Variants in ZFHX3 observed in about 807,000 individuals in gnomAD.
The protein encoded by ZFHX3 is zinc finger homeobox 3.
Under a neutral mutation model 279.1 loss-of-function variants are expected in ZFHX3, and 42 were observed. That is an observed-to-expected ratio of 0.15 (90% CI 0.12 to 0.19). The LOEUF is 0.19. Among genes scored for constraint, ZFHX3 ranks in the 10% least tolerant of loss-of-function variants. The probability of loss-of-function intolerance (pLI) is 1.00; values close to 1 mark genes in which losing one functional copy is unlikely to be tolerated. For synonymous variants in ZFHX3, 2,293 were observed against 1,957.8 expected, an observed-to-expected ratio of 1.17 and a Z score of -4.52; for missense variants, 4,981 against 4,754.0, an observed-to-expected ratio of 1.05 and a Z score of -1.40.
intron 4 of ZFHX3, among the ~76,000 whole-genome samples, chr16:72,878,297 G>A (rs2038370549): frequency 6.6e-6 from 1 of 152,228 alleles, no homozygotes; most frequent in African/African-American, 2.4e-5. Context: ...CTGGGTTCAA[G>A]GCTGCATAGC....
rs554895783 is a variant in ZFHX3, at chr16:73,510,874, T to C, written c.-1546-54616A>G. Among the ~76,000 whole-genome samples the C allele has an allele frequency of 3.0e-4, 45 of 152,366 alleles. No individual in the cohort carries two copies. The South Asian group carries it at 4.6e-3, about 15-fold the overall frequency. ...AAAGAAAGACCTCAGTGGACTCATA[T>C]AGGGCAACTCACACGTGCTGTGGCA... On this transcript the variant is annotated intron_variant, in intron 2 of 17. Coordinates refer to the ZFHX3 transcript ENST00000641206.
At chr16:73,058,056 C>T (rs1314112776) in intron 1 of ZFHX3, among the ~76,000 whole-genome samples, 1 of 145,608 alleles carries the variant, frequency 6.9e-6, no homozygotes, top group Non-Finnish European at 1.5e-5. Flanking sequence ...CCGGCCGCCG[C>T]CTTTGTCTCC....
At chr16:73,803,299 A>G (rs1342481956) in intron 1 of ZFHX3, among the ~76,000 whole-genome samples, 1 of 152,208 alleles carries the variant, frequency 6.6e-6, no homozygotes, top group Non-Finnish European at 1.5e-5. Context: ...GTGTTGAGGT[A>G]TGTTCAGTTG....
intron 2 of ZFHX3, among the ~76,000 whole-genome samples, chr16:73,675,613 G>A (rs1397079571): frequency 1.3e-5 from 2 of 152,096 alleles, no homozygotes; most frequent in Middle Eastern, 3.4e-3. Context: ...TTCCTGAAAA[G>A]AAGAATAGGA....
At chr16:73,740,638 A>G (rs2142259376) in intron 1 of ZFHX3, among the ~76,000 whole-genome samples, 1 of 152,360 alleles carries the variant, frequency 6.6e-6, no homozygotes. Flanking sequence ...CAAAATACAA[A>G]TACAAAATAC....
rs1042630950 is a variant in ZFHX3, at chr16:73,579,588, G to A, written c.-1547+100592C>T. Among the ~76,000 whole-genome samples the A allele has an allele frequency of 4.0e-5, 6 of 149,740 alleles. No homozygotes were observed. In the East Asian group the frequency reaches 5.9e-4, roughly 15 times the overall value. ...GTGATCTTGGCTCACTGCAAGCTCCGCCTGCCGGGTTCACGCCATTCTCCT... is the reference window on the plus strand; with the variant it reads ...GTGATCTTGGCTCACTGCAAGCTCCACCTGCCGGGTTCACGCCATTCTCCT... On this transcript the variant is annotated intron_variant, in intron 2 of 17. Transcript: ENST00000641206.
At chr16:73,032,553 C>T (rs1964743482) in intron 1 of ZFHX3, among the ~76,000 whole-genome samples, 1 of 152,126 alleles carries the variant, frequency 6.6e-6, no homozygotes, top group Non-Finnish European at 1.5e-5. Context: ...TCTTCGTCCC[C>T]AAAAAGAGAC....
chr16:73,207,977 G>A (rs969748288), intron 5 of ZFHX3, among the ~76,000 whole-genome samples: 1 of 152,174 alleles, frequency 6.6e-6, no homozygotes, highest in Non-Finnish European at 1.5e-5. Context: ...ACTTGTGGAA[G>A]CTGTCATTTT....
intron 7 of ZFHX3, among the ~76,000 whole-genome samples, chr16:73,125,969 G>A (rs1311161039): frequency 6.6e-6 from 1 of 152,112 alleles, no homozygotes; most frequent in Non-Finnish European, 1.5e-5. Context: ...AATAAGAAAT[G>A]GAGCCAGGAT....
intron 3 of ZFHX3, among the ~76,000 whole-genome samples, chr16:73,393,992 G>A (rs1033713530): frequency 6.8e-6 from 1 of 147,004 alleles, no homozygotes; most frequent in Admixed American, 6.8e-5. Context: ...TCATATATGT[G>A]ATATATGTAT....
chr16:73,539,831 T>C (rs1023742521), intron 2 of ZFHX3, among the ~76,000 whole-genome samples: 1 of 152,180 alleles, frequency 6.6e-6, no homozygotes, highest in Non-Finnish European at 1.5e-5. Flanking sequence ...CGGCAAATAA[T>C]ACCCAAATAA....
chr16:73,125,425 T>C (rs1373085906), intron 7 of ZFHX3: 1 of 152,106 alleles, frequency 6.6e-6, no homozygotes. Flanking sequence ...GTCAATTTGA[T>C]TGGATTGAAG....
intron 2 of ZFHX3, among the ~76,000 whole-genome samples, chr16:73,616,562 G>A (rs1354110572): frequency 6.6e-6 from 1 of 151,678 alleles, no homozygotes; most frequent in Non-Finnish European, 1.5e-5. Flanking sequence ...TATTGTTCCT[G>A]TGTTCTCCTG....
chr16:73,323,294 T>G (rs1251224047), intron 3 of ZFHX3, among the ~76,000 whole-genome samples: 1 of 152,114 alleles, frequency 6.6e-6, no homozygotes, highest in East Asian at 1.9e-4. Flanking sequence ...GTTTGAGGGA[T>G]GGCAAGAATA....
chr16:73,523,466 T>C (rs1218177365), intron 2 of ZFHX3, among the ~76,000 whole-genome samples: 1 of 152,130 alleles, frequency 6.6e-6, no homozygotes, highest in Non-Finnish European at 1.5e-5. Flanking sequence ...CCCTGTCCCA[T>C]GTTCTGAGTT....
At chr16:73,158,490 T>A (rs868165368) in intron 5 of ZFHX3, among the ~76,000 whole-genome samples, 27 of 152,200 alleles carry the variant, frequency 1.8e-4, no homozygotes, top group African/African-American at 5.8e-4. Flanking sequence ...TAAAAACTTT[T>A]TTTTATCAGT....
chr16:73,581,835 G>A (rs2051865194), intron 2 of ZFHX3, among the ~76,000 whole-genome samples: 1 of 151,080 alleles, frequency 6.6e-6, no homozygotes, highest in Non-Finnish European at 1.5e-5. Flanking sequence ...ACACACACCT[G>A]GCTAATTTTT....
intron 5 of ZFHX3, among the ~76,000 whole-genome samples, chr16:73,156,755 C>G (rs1019384093): frequency 6.6e-6 from 1 of 151,752 alleles, no homozygotes; most frequent in Non-Finnish European, 1.5e-5. Flanking sequence ...AGCTCTGTCA[C>G]CAGGCTGGAG....
intron 1 of ZFHX3, among the ~76,000 whole-genome samples, chr16:73,701,431 A>G (rs1444482733): frequency 1.3e-5 from 2 of 152,236 alleles, no homozygotes; most frequent in Admixed American, 6.5e-5. Flanking sequence ...TTTACCCTCA[A>G]AAGAAAATAA....
Sources: gnomAD v4.1 joint callset for allele counts (sites outside exome capture counted in the v4.1 genomes callset) on GRCh38, gnomAD v4.1.1 for gene constraint, MANE v1.5 for transcripts, NCBI Gene and HGNC (gene_info 2026-07-23, HGNC 2026-07-21) for gene names.